The following C8orf34 variants were observed in gnomAD, a reference collection of about 807,000 sequenced individuals.
The protein encoded by C8orf34 is chromosome 8 open reading frame 34.
Under a neutral mutation model 68.3 loss-of-function variants are expected in C8orf34, and 65 were observed. That is an observed-to-expected ratio of 0.95 (90% CI 0.78 to 1.17). The LOEUF (loss-of-function observed/expected upper bound fraction) is 1.17. C8orf34 is among the 50% of genes most tolerant of loss of function. The probability of loss-of-function intolerance (pLI) is 0.00; values close to 1 mark genes in which losing one functional copy is unlikely to be tolerated. For missense variants in C8orf34, 664 were observed against 655.4 expected, an observed-to-expected ratio of 1.01 and a Z score of -0.14; for synonymous variants, 244 against 241.2, an observed-to-expected ratio of 1.01 and a Z score of -0.11.
intron 11 of C8orf34, among the ~76,000 whole-genome samples, chr8:68,776,881 T>C (rs1823535294): frequency 6.6e-6 from 1 of 152,256 alleles, no homozygotes; most frequent in Non-Finnish European, 1.5e-5. Context: ...CATGCCATTA[T>C]GCAAAGGGCT....
chr8:68,342,880 G>A (rs1199440627), intron 1 of C8orf34, among the ~76,000 whole-genome samples: 1 of 152,130 alleles, frequency 6.6e-6, no homozygotes, highest in Non-Finnish European at 1.5e-5. Context: ...AAGTGAAAAG[G>A]CGAAAGTGCT....
chr8:68,469,743 G>A (rs554289733), intron 4 of C8orf34, among the ~76,000 whole-genome samples: 34 of 151,738 alleles, frequency 2.2e-4, no homozygotes, highest in Non-Finnish European at 4.7e-4. Flanking sequence ...GTGGAAAGTA[G>A]TTAGAACACT....
chr8:68,648,242 A>T (rs1819238297), intron 8 of C8orf34, among the ~76,000 whole-genome samples: 1 of 152,246 alleles, frequency 6.6e-6, no homozygotes, highest in African/African-American at 2.4e-5. Context: ...AAAGTAAGCC[A>T]TATCAAAAAA....
At chr8:68,773,651 G>C (rs7016624) in intron 10 of C8orf34, among the ~76,000 whole-genome samples, 2 of 151,814 alleles carry the variant, frequency 1.3e-5, no homozygotes, top group South Asian at 2.1e-4. Flanking sequence ...ATCCCAAAGT[G>C]CTGGGATTAC....
intron 7 of C8orf34, among the ~76,000 whole-genome samples, chr8:68,544,270 G>A (rs1262699905): frequency 6.6e-6 from 1 of 152,112 alleles, no homozygotes; most frequent in Non-Finnish European, 1.5e-5. Flanking sequence ...AACTGAGCTG[G>A]GACACATCGT....
intron 1 of C8orf34, among the ~76,000 whole-genome samples, chr8:68,402,138 A>G (rs1283381786): frequency 6.6e-6 from 1 of 152,006 alleles, no homozygotes; most frequent in Non-Finnish European, 1.5e-5. Context: ...CAATCCTGGG[A>G]TGTACGTTTC....
chr8:68,346,768 G>C (rs1184720399), intron 1 of C8orf34, among the ~76,000 whole-genome samples: 1 of 151,882 alleles, frequency 6.6e-6, no homozygotes, highest in Non-Finnish European at 1.5e-5. Flanking sequence ...TCTTTTCATG[G>C]CTTGATAGCT....
At chr8:68,477,350 T>G (rs930424346) in intron 4 of C8orf34, among the ~76,000 whole-genome samples, 1 of 152,166 alleles carries the variant, frequency 6.6e-6, no homozygotes, top group African/African-American at 2.4e-5. Context: ...GGGACAGAGT[T>G]GACATGGCCC....
intron 1 of C8orf34, among the ~76,000 whole-genome samples, chr8:68,360,657 C>T (rs1165786925): frequency 6.6e-6 from 1 of 152,114 alleles, no homozygotes; most frequent in Non-Finnish European, 1.5e-5. Flanking sequence ...TTAGTGTCAG[C>T]CAGACCAGCT....
intron 7 of C8orf34, among the ~76,000 whole-genome samples, chr8:68,597,454 TAGAA>T (rs1817577560): frequency 6.6e-6 from 1 of 152,142 alleles, no homozygotes; most frequent in African/African-American, 2.4e-5. Flanking sequence ...GTGTTTAAAT[TAGAA>T]AGCATGAACT....
intron 8 of C8orf34, among the ~76,000 whole-genome samples, chr8:68,650,622 G>A (rs1428258441): frequency 6.6e-6 from 1 of 151,938 alleles, no homozygotes; most frequent in African/African-American, 2.4e-5. Flanking sequence ...TGGGACTACA[G>A]GCGCCCGCCA....
chr8:68,667,783 T>C (rs951352138), intron 8 of C8orf34, among the ~76,000 whole-genome samples: 1 of 152,174 alleles, frequency 6.6e-6, no homozygotes, highest in African/African-American at 2.4e-5. Flanking sequence ...TTCTAGTCAC[T>C]AGAGGGTTAA....
intron 7 of C8orf34, among the ~76,000 whole-genome samples, chr8:68,616,358 T>C (rs1818213418): frequency 1.3e-5 from 2 of 152,240 alleles, no homozygotes; most frequent in Middle Eastern, 3.4e-3. Flanking sequence ...GCTCTTGCTT[T>C]TCTAGTCTTT....
chr8:68,502,806 C>T (rs1336945842), intron 5 of C8orf34, among the ~76,000 whole-genome samples: 1 of 152,208 alleles, frequency 6.6e-6, no homozygotes, highest in African/African-American at 2.4e-5. Context: ...ATGCTGCCAA[C>T]ATCACTGAAG....
intron 5 of C8orf34, among the ~76,000 whole-genome samples, chr8:68,521,554 C>A (rs779440758): frequency 2.0e-5 from 3 of 152,160 alleles, no homozygotes; most frequent in Non-Finnish European, 4.4e-5. Context: ...CCTGAGAGCA[C>A]ACTTGCAGCC....
chr8:68,354,235 T>C (rs982417368), intron 1 of C8orf34, among the ~76,000 whole-genome samples: 1 of 152,190 alleles, frequency 6.6e-6, no homozygotes, highest in Non-Finnish European at 1.5e-5. Flanking sequence ...TAATATAGTA[T>C]AGTTCAATTC....
intron 7 of C8orf34, among the ~76,000 whole-genome samples, chr8:68,599,464 A>G (rs890991768): frequency 4.6e-5 from 7 of 152,078 alleles, no homozygotes; most frequent in Non-Finnish European, 8.8e-5. Context: ...TTTACAAGCT[A>G]CAGTAACCAA....
chr8:68,561,143 G>A (rs946734171), intron 7 of C8orf34, among the ~76,000 whole-genome samples: 8 of 151,028 alleles, frequency 5.3e-5, no homozygotes, highest in Non-Finnish European at 1.0e-4. Context: ...CCACCACACC[G>A]GGCTAATTTT....
chr8:68,370,488 A>G (rs545766012), intron 1 of C8orf34, among the ~76,000 whole-genome samples: 1 of 152,132 alleles, frequency 6.6e-6, no homozygotes, highest in South Asian at 2.1e-4. Context: ...CCTATCAAGG[A>G]GACTGTCTTG....
Sources: gnomAD v4.1 joint callset for allele counts (sites outside exome capture counted in the v4.1 genomes callset) on GRCh38, gnomAD v4.1.1 for gene constraint, MANE v1.5 for transcripts, NCBI Gene and HGNC (gene_info 2026-07-23, HGNC 2026-07-21) for gene names.